The following RBFOX1 variants were observed in gnomAD, a reference collection of about 807,000 sequenced individuals.
The protein encoded by RBFOX1 is RNA binding fox-1 homolog 1.
Under a neutral mutation model 57.7 loss-of-function variants are expected in RBFOX1, and 8 were observed. That is an observed-to-expected ratio of 0.14 (90% CI 0.08 to 0.25). The LOEUF is 0.25. Among genes scored for constraint, RBFOX1 ranks in the 10% least tolerant of loss-of-function variants. The pLI, the probability that RBFOX1 is intolerant of heterozygous loss-of-function variation, is 1.00. For synonymous variants in RBFOX1, 326 were observed against 222.4 expected (o/e 1.47, Z -4.15); for missense variants, 611 against 548.5 (o/e 1.11, Z -1.14).
chr16:5,368,302 C>A (rs1446662670), intron 1 of RBFOX1, among the ~76,000 whole-genome samples: 1 of 152,128 alleles, frequency 6.6e-6, no homozygotes, highest in East Asian at 1.9e-4. Flanking sequence ...GGTTTTGTTC[C>A]TGTACAATGA....
chr16:6,206,947 A>G (rs1402519217), intron 1 of RBFOX1, among the ~76,000 whole-genome samples: 1 of 150,246 alleles, frequency 6.7e-6, no homozygotes, highest in Non-Finnish European at 1.5e-5. Flanking sequence ...AATACACTTA[A>G]TTCTTAAGAT....
At chr16:6,090,149 C>G (rs1484091270) in intron 1 of RBFOX1, 1 of 152,130 alleles carries the variant, frequency 6.6e-6, no homozygotes, top group Non-Finnish European at 1.5e-5. Flanking sequence ...TGAGTTGAGT[C>G]CTTTTTCACA....
intron 3 of RBFOX1, among the ~76,000 whole-genome samples, chr16:6,860,434 C>A (rs72768864): frequency 5.9e-5 from 9 of 151,966 alleles, no homozygotes; most frequent in Non-Finnish European, 1.3e-4. Flanking sequence ...GGCTAAGACG[C>A]GGGGGCAGCG....
At chr16:5,885,732 G>A (rs370377955) in intron 4 of RBFOX1, among the ~76,000 whole-genome samples, 3 of 152,120 alleles carry the variant, frequency 2.0e-5, no homozygotes, top group Non-Finnish European at 4.4e-5. Context: ...GAGTTTAGAG[G>A]CAGGAAGTGA....
chr16:5,396,583 A>C (rs1437356769), intron 1 of RBFOX1, among the ~76,000 whole-genome samples: 1 of 152,182 alleles, frequency 6.6e-6, no homozygotes, highest in African/African-American at 2.4e-5. Context: ...CAGAGGTTGC[A>C]GTGAGCTGAG....
intron 4 of RBFOX1, among the ~76,000 whole-genome samples, chr16:7,062,397 C>T (rs186720599): frequency 1.3e-5 from 2 of 151,626 alleles, no homozygotes; most frequent in East Asian, 1.9e-4. Context: ...TCCTTCATGG[C>T]CATAGTTAAA....
intron 3 of RBFOX1, among the ~76,000 whole-genome samples, chr16:6,970,515 A>G (rs772085110): frequency 3.3e-5 from 5 of 152,160 alleles, no homozygotes; most frequent in Non-Finnish European, 7.4e-5. Context: ...GATCAGAGAC[A>G]TCAGTAGATT....
chr16:6,144,515 G>A (rs1414562905), intron 1 of RBFOX1, among the ~76,000 whole-genome samples: 1 of 152,196 alleles, frequency 6.6e-6, no homozygotes, highest in Non-Finnish European at 1.5e-5. Flanking sequence ...GAATAGCATT[G>A]AAGAATTACA....
intron 4 of RBFOX1, among the ~76,000 whole-genome samples, chr16:7,232,661 G>A (rs528968288): frequency 6.6e-6 from 1 of 152,144 alleles, no homozygotes; most frequent in Admixed American, 6.5e-5. Context: ...GACCAACATG[G>A]AGAAACCCTG....
chr16:6,654,734 C>A, intron 3 of RBFOX1, 84 bp downstream of exon 3: 1 of 1,018,102 alleles, frequency 9.8e-7, no homozygotes, highest in Non-Finnish European at 1.4e-6. Context: ...GCATGCCCCT[C>A]TCGATGATGG....
At chr16:7,306,364 C>T (rs2096185440) in intron 4 of RBFOX1, among the ~76,000 whole-genome samples, 2 of 152,170 alleles carry the variant, frequency 1.3e-5, no homozygotes, top group African/African-American at 4.8e-5. Flanking sequence ...AAAAACACCC[C>T]TGCTCTGGAA....
At chr16:6,207,715 C>T (rs775376530) in intron 1 of RBFOX1, among the ~76,000 whole-genome samples, 5 of 151,886 alleles carry the variant, frequency 3.3e-5, no homozygotes. Flanking sequence ...TGAGACAGGG[C>T]CTCACTCTGT....
intron 12 of RBFOX1, among the ~76,000 whole-genome samples, chr16:7,661,884 T>C (rs992610265): frequency 6.6e-6 from 1 of 152,186 alleles, no homozygotes; most frequent in Admixed American, 6.5e-5. Flanking sequence ...GGACAAAGCA[T>C]GGCAATCAGG....
At position 6,366,154 on chromosome 16, in the gene RBFOX1, G is replaced by C. The variant is rs530374416; in HGVS notation, c.-64+49097G>C. Among the ~76,000 whole-genome samples the C allele has an allele frequency of 3.3e-5, 5 of 149,948 alleles. No homozygotes were observed. In the East Asian group the frequency reaches 9.9e-4, roughly 30 times the overall value. The stretch of plus-strand genomic sequence containing the variant: ...CTGCCTGTATCTATGTCTGTATCTA[G>C]AAAATATATATTTATACCTGGAACA... On this transcript the variant is annotated intron_variant, in intron 2 of 15. Transcript: ENST00000550418.
Position 5,682,132 on chromosome 16 carries a change from G to A in RBFOX1, c.318+83171G>A, listed in dbSNP as rs565787508. Among the ~76,000 whole-genome samples, 9 of 152,264 alleles carry A rather than the reference G, an allele frequency of 5.9e-5. No individual in the cohort carries two copies. In the South Asian group the frequency reaches 1.9e-3, roughly 32 times the overall value. ...GATTGCCGTTTCATGTCGGGCACTG[G>A]GGTAAATGACACCAAAAGCTATTAA... On this transcript the variant is annotated intron_variant, in intron 3 of 19. Coordinates refer to the RBFOX1 transcript ENST00000641259.
chr16:5,910,368 C>A (rs1030026811), intron 4 of RBFOX1, among the ~76,000 whole-genome samples: 3 of 152,170 alleles, frequency 2.0e-5, no homozygotes, highest in Non-Finnish European at 2.9e-5. Context: ...GGTACCAGAG[C>A]CTTCTTGACT....
chr16:6,897,753 G>A (rs1278135665), intron 3 of RBFOX1, among the ~76,000 whole-genome samples: 1 of 152,062 alleles, frequency 6.6e-6, no homozygotes, highest in Non-Finnish European at 1.5e-5. Context: ...AGATCATGCT[G>A]TTACACTCCA....
At chr16:5,415,902 G>C (rs1359635160) in intron 1 of RBFOX1, among the ~76,000 whole-genome samples, 2 of 152,150 alleles carry the variant, frequency 1.3e-5, no homozygotes, top group African/African-American at 2.4e-5. Flanking sequence ...GCATAGATGA[G>C]TCTTAGGGGC....
At chr16:5,432,654 A>C (rs926941952) in intron 1 of RBFOX1, among the ~76,000 whole-genome samples, 1 of 150,658 alleles carries the variant, frequency 6.6e-6, no homozygotes, top group Non-Finnish European at 1.5e-5. Flanking sequence ...GGTATCAGAG[A>C]AGACATGGCA....
Sources: gnomAD v4.1 joint callset for allele counts (sites outside exome capture counted in the v4.1 genomes callset) on GRCh38, gnomAD v4.1.1 for gene constraint, MANE v1.5 for transcripts, NCBI Gene and HGNC (gene_info 2026-07-23, HGNC 2026-07-21) for gene names.